Variants in C13orf46 observed in about 807,000 individuals in gnomAD.
C13orf46 encodes chromosome 13 open reading frame 46, also known as uncharacterized protein C13orf46.
At position 113,956,291 on chromosome 13, in the gene C13orf46, T is replaced by G. The variant is rs2052533007; in HGVS notation, c.*482A>C. On this transcript the variant is annotated 3_prime_UTR_variant, in exon 7 of 7. Transcript: ENST00000636427. ...TCCGGTGGAGAGGAGGAGCATCTGG[T>G]GGAGACGAGGAGCATCTGGTGGAGA... The G allele has an allele frequency of 6.7e-6, 1 of 148,822 alleles. No individual in the cohort carries two copies. Among genetic ancestry groups the G allele is most frequent in the African/African-American group, 2.6e-5 (1 of 39,010 alleles). 9.2% of individuals were successfully genotyped at this position (148,822 alleles called of 1,614,324 possible). A position where few individuals can be genotyped will look rare whatever the true frequency, so the allele number is the denominator to read the frequency against.
chr13:113,945,553 GAAAGAAAGAAAGAAAGAAAGAA>G, the C13orf46 span, among the ~76,000 whole-genome samples: 1 of 91,098 alleles, frequency 1.1e-5, no homozygotes, highest in Non-Finnish European at 2.5e-5. Flanking sequence ...AAGAAAGAAA[GAAAGAAAGAAAGAAAGAAAGAA>G]AGAGAGAGAG....
At position 113,962,704 on chromosome 13, in the gene C13orf46, C is replaced by T. The variant is rs966734528; in HGVS notation, c.572+2223G>A. 5.8e-4 allele frequency among the ~76,000 whole-genome samples: 89 copies of T among 152,266 alleles called. 2 individuals carry two copies. Among genetic ancestry groups the T allele is most frequent in the African/African-American group, 2.1e-3 (87 of 41,548 alleles). On this transcript the variant is annotated intron_variant, in intron 6 of 6. Transcript: ENST00000636427. ...CCACTGGGCAGGTTTTCTGGGATAG[C>T]TGAGTCAAGGGGGATGGAGGCTGAG...
At chr13:113,944,450 C>T in the C13orf46 span, among the ~76,000 whole-genome samples, 4 of 152,362 alleles carry the variant, frequency 2.6e-5, no homozygotes, top group East Asian at 7.7e-4. Flanking sequence ...GTCCTCCTTA[C>T]ACCGCACTGA....
the C13orf46 span, among the ~76,000 whole-genome samples, chr13:113,933,787 G>A: frequency 2.0e-5 from 3 of 152,300 alleles, no homozygotes; most frequent in East Asian, 5.8e-4. Flanking sequence ...ATAGTACAGA[G>A]GGGTCCCACA....
chr13:113,945,656 GAAAGAAAGAAAGA>G, the C13orf46 span, among the ~76,000 whole-genome samples: 2 of 137,716 alleles, frequency 1.5e-5, no homozygotes, highest in African/African-American at 5.3e-5. Flanking sequence ...AAGAAAGAAA[GAAAGAAAGAAAGA>G]AAGGAAAGAA....
chr13:113,932,402 G>T, the C13orf46 span, among the ~76,000 whole-genome samples: 1,080 of 152,328 alleles, frequency 7.1e-3, 19 homozygotes, highest in East Asian at 0.082. Context: ...GGCCACTTTT[G>T]AACATGTTAG....
intron 5 of C13orf46, among the ~76,000 whole-genome samples, chr13:113,966,090 TTAA>T (rs1218557687): frequency 2.1e-4 from 23 of 108,932 alleles, no homozygotes; most frequent in Middle Eastern, 0.01. Context: ...GATGATGGTA[TTAA>T]TGATGGTGAT....
chr13:113,964,712 G>A (rs2052619735), intron 6 of C13orf46, among the ~76,000 whole-genome samples: 1 of 152,138 alleles, frequency 6.6e-6, no homozygotes, highest in Non-Finnish European at 1.5e-5. Context: ...CGTGAAGCTC[G>A]TCCCTGAGCC....
At chr13:113,950,776 G>T (rs914486703), downstream of C13orf46, among the ~76,000 whole-genome samples, 2 of 152,302 alleles carry the variant, frequency 1.3e-5, no homozygotes, top group Admixed American at 1.3e-4. Context: ...GCGCCCAGGG[G>T]AGACACAGGA....
chr13:113,961,366 G>A (rs978634184), intron 6 of C13orf46, among the ~76,000 whole-genome samples: 34 of 151,772 alleles, frequency 2.2e-4, no homozygotes, highest in African/African-American at 6.3e-4. Flanking sequence ...CATGTTATCC[G>A]TGTGAATATT....
At chr13:113,942,607 C>T in the C13orf46 span, among the ~76,000 whole-genome samples, 1 of 152,184 alleles carries the variant, frequency 6.6e-6, no homozygotes, top group African/African-American at 2.4e-5. Flanking sequence ...GAACACGAGA[C>T]AGCAAAATCC....
the C13orf46 span, among the ~76,000 whole-genome samples, chr13:113,934,197 G>A: frequency 1.3e-5 from 2 of 152,370 alleles, no homozygotes; most frequent in South Asian, 2.1e-4. Flanking sequence ...TGAGCACGTT[G>A]TGTGGTGTGG....
chr13:113,956,163 G>A lies in C13orf46; in HGVS notation c.*610C>T, dbSNP rs1263034056. 6.5e-6 allele frequency: 1 copy of A among 154,996 alleles called. No individual in the cohort carries two copies. The highest frequency in any genetic ancestry group is 1.4e-5 in the Non-Finnish European group (1 of 70,764). 9.6% of individuals were successfully genotyped at this position (154,996 alleles called of 1,614,324 possible). A position where few individuals can be genotyped will look rare whatever the true frequency, so the allele number is the denominator to read the frequency against. On this transcript the variant is annotated 3_prime_UTR_variant, in exon 7 of 7. Coordinates refer to ENST00000636427, the MANE Select transcript of C13orf46 (RefSeq NM_001365455.2). Reference sequence around the variant, plus strand: ...GAGTAGTATTTGGCGAAGAGGAGGAGCATCCGGCGGAGACAAGGAGCATCC... The same window carrying A: ...GAGTAGTATTTGGCGAAGAGGAGGAACATCCGGCGGAGACAAGGAGCATCC...
chr13:113,939,694 C>T, the C13orf46 span, among the ~76,000 whole-genome samples: 1 of 152,198 alleles, frequency 6.6e-6, no homozygotes, highest in African/African-American at 2.4e-5. Flanking sequence ...GGGAGGCTGT[C>T]CAGCCCTGGA....
chr13:113,961,719 AT>A (rs1376157184), intron 6 of C13orf46, among the ~76,000 whole-genome samples: 1 of 152,008 alleles, frequency 6.6e-6, no homozygotes, highest in Non-Finnish European at 1.5e-5. Flanking sequence ...CTGGTTATCC[AT>A]TTTTTTTCCA....
the C13orf46 span, among the ~76,000 whole-genome samples, chr13:113,931,504 C>T: frequency 2.0e-5 from 3 of 152,154 alleles, no homozygotes; most frequent in South Asian, 2.1e-4. Flanking sequence ...GGGAGGCCCT[C>T]GGGCTGGTGG....
At position 113,954,531 on chromosome 13, in the gene C13orf46, G is replaced by C. The variant is rs1166811032; in HGVS notation, c.*2242C>G. The C allele has an allele frequency of 1.3e-5, 2 of 152,472 alleles. No homozygotes were observed. Among genetic ancestry groups the C allele is most frequent in the Non-Finnish European group, 2.9e-5 (2 of 68,218 alleles). 9.4% of individuals were successfully genotyped at this position (152,472 alleles called of 1,614,324 possible). The stretch of plus-strand genomic sequence containing the variant: ...CAGCACCACAGTCTCTGTTGCTCTC[G>C]CAGTCACAGCCGGGGCTCAGCTGCG... On this transcript the variant is annotated 3_prime_UTR_variant, in exon 7 of 7. Coordinates refer to ENST00000636427, the MANE Select transcript of C13orf46 (RefSeq NM_001365455.2).
intron 1 of C13orf46, among the ~76,000 whole-genome samples, 187 bp downstream of exon 1, chr13:113,973,621 C>T (rs990166457): frequency 4.6e-5 from 7 of 152,204 alleles, no homozygotes; most frequent in Non-Finnish European, 8.8e-5. Flanking sequence ...CAATGTATGA[C>T]GTCAGGCCGT....
intron 6 of C13orf46, among the ~76,000 whole-genome samples, chr13:113,959,888 A>C (rs2138981406): frequency 6.6e-6 from 1 of 152,336 alleles, no homozygotes; most frequent in African/African-American, 2.4e-5. Context: ...TTATGAAAAG[A>C]TAATTTTGAA....
Sources: gnomAD v4.1 joint callset for allele counts (sites outside exome capture counted in the v4.1 genomes callset) on GRCh38, gnomAD v4.1.1 for gene constraint, MANE v1.5 for transcripts, NCBI Gene and HGNC (gene_info 2026-07-23, HGNC 2026-07-21) for gene names.